ESRP1: variants seen among roughly 807,000 people sequenced by gnomAD.
ESRP1 encodes the protein RNA-binding motif protein 35A.
Under a neutral mutation model 81.7 loss-of-function variants are expected in ESRP1, and 33 were observed. The observed-to-expected ratio is 0.40, with a 90% CI of 0.31 to 0.54. The LOEUF (loss-of-function observed/expected upper bound fraction) is 0.54, where lower values mean the gene tolerates loss of function less well. Among genes scored for constraint, ESRP1 ranks in the 20% least tolerant of loss-of-function variants. The pLI is 0.41. For missense variants in ESRP1, 672 were observed against 833.1 expected, an observed-to-expected ratio of 0.81 and a Z score of 2.38; for synonymous variants, 320 against 303.3, an observed-to-expected ratio of 1.06 and a Z score of -0.57.
chr8:94,641,186 C>A lies in ESRP1; in HGVS notation c.-133C>A. The stretch of plus-strand genomic sequence containing the variant: ...GGTTGGTTACCGCCTTTTGCACTAG[C>A]AGTAGCAAGGAAGGGGGGTGGGCGC... On this transcript the variant is annotated 5_prime_UTR_variant, in exon 1 of 16. Transcript: ENST00000433389. 1 of 857,044 alleles carries A rather than the reference C, an allele frequency of 1.2e-6. No homozygotes were observed. The highest frequency in any genetic ancestry group is 1.8e-6 in the Non-Finnish European group (1 of 569,862). The allele number at this position is 857,044 out of a possible 1,614,324, so 53.1% of individuals were successfully genotyped here. A position where few individuals can be genotyped will look rare whatever the true frequency, so the allele number is the denominator to read the frequency against.
intron 14 of ESRP1, among the ~76,000 whole-genome samples, chr8:94,693,530 A>G (rs1809485382): frequency 6.6e-6 from 1 of 152,216 alleles, no homozygotes; most frequent in South Asian, 2.1e-4. Flanking sequence ...CAAGTCACAT[A>G]ATTACCTAAG....
intron 6 of ESRP1, among the ~76,000 whole-genome samples, chr8:94,664,183 G>A (rs1818897589): frequency 6.8e-6 from 1 of 146,030 alleles, no homozygotes; most frequent in Non-Finnish European, 1.5e-5. Context: ...GAGTGCAGTG[G>A]CACAATCTCA....
At chr8:94,682,229 A>C (rs1276519558) in intron 13 of ESRP1, among the ~76,000 whole-genome samples, 1 of 152,148 alleles carries the variant, frequency 6.6e-6, no homozygotes, top group Non-Finnish European at 1.5e-5. Context: ...TTTTTCTCAG[A>C]AAAGAATATT....
chr8:94,672,429 A>C (rs771000689), intron 11 of ESRP1, among the ~76,000 whole-genome samples: 1 of 152,226 alleles, frequency 6.6e-6, no homozygotes, highest in Non-Finnish European at 1.5e-5. Context: ...ATTTTTGGTT[A>C]AAGAAAATTA....
intron 15 of ESRP1, among the ~76,000 whole-genome samples, chr8:94,700,171 A>G (rs1263541407): frequency 6.6e-6 from 1 of 152,252 alleles, no homozygotes; most frequent in African/African-American, 2.4e-5. Flanking sequence ...ACCAAACTGT[A>G]GCATGGCAAA....
Position 94,641,327 on chromosome 8 carries a change from C to T in ESRP1, c.9C>T (p.Ala3=). 1 of 1,613,766 alleles carries T rather than the reference C, an allele frequency of 6.2e-7. No homozygotes were observed. MT[A]SPDYLVVLFG... Reference sequence around the variant, plus strand: ...CCTCCCCACCTATCGTCATGACGGCCTCTCCGGATTACTTGGTGGTGCTTT... The same window carrying T: ...CCTCCCCACCTATCGTCATGACGGCTTCTCCGGATTACTTGGTGGTGCTTT... Residue 3 remains alanine, a synonymous_variant, in exon 1 of 16, where the codon GCC becomes GCT. Transcript: ENST00000433389.
chr8:94,657,774 T>G (rs953321570), intron 4 of ESRP1, among the ~76,000 whole-genome samples: 3 of 152,234 alleles, frequency 2.0e-5, no homozygotes, highest in Admixed American at 6.5e-5. Context: ...GATCTCTGTC[T>G]TCTTCAGTTG....
intron 12 of ESRP1, among the ~76,000 whole-genome samples, chr8:94,675,820 A>C (rs1819560963): frequency 6.6e-6 from 1 of 152,196 alleles, no homozygotes; most frequent in Non-Finnish European, 1.5e-5. Flanking sequence ...CAAGCCTCCA[A>C]ATAAAAAAGA....
In ESRP1 at chr8:94,662,502, T is replaced by A; in HGVS notation, c.591T>A (p.Asn197Lys). 6.2e-7 allele frequency: 1 copy of A among 1,606,156 alleles called. No individual in the cohort carries two copies. Reference protein sequence around the residue: ...IILAMISEPYNHRFSDPERVN... With the variant: ...IILAMISEPYKHRFSDPERVN... ...TGACTTTTATGTTCTCATTTTTAGATCACAGGTTTTCAGATCCAGAGAGAG... is the reference window on the plus strand; with the variant it reads ...TGACTTTTATGTTCTCATTTTTAGAACACAGGTTTTCAGATCCAGAGAGAG... The change falls in exon 6 of 16, where the codon AAT becomes AAA. Residue 197 changes from asparagine to lysine, a missense_variant and splice_region_variant. Coordinates refer to ENST00000433389, the MANE Select transcript of ESRP1 (RefSeq NM_017697.4).
rs559559920 is a variant in ESRP1, at chr8:94,659,175, C to T, written c.491-3097C>T. On this transcript the variant is annotated intron_variant, in intron 4 of 15. Coordinates refer to ENST00000433389, the MANE Select transcript of ESRP1 (RefSeq NM_017697.4). Reference sequence around the variant, plus strand: ...GGATTACAGGCGTGAGCCACCGTGTCTGGCCAGTTTTGTTTTGTTTAAAAA... The same window carrying T: ...GGATTACAGGCGTGAGCCACCGTGTTTGGCCAGTTTTGTTTTGTTTAAAAA... Among the ~76,000 whole-genome samples the T allele has an allele frequency of 3.4e-4, 52 of 152,254 alleles. 1 individual carries two copies. Among genetic ancestry groups the T allele is most frequent in the African/African-American group, 1.1e-3 (45 of 41,522 alleles).
intron 7 of ESRP1, 59 bp downstream of exon 7, chr8:94,664,866 A>G (rs1818935388): frequency 1.9e-6 from 3 of 1,608,664 alleles, no homozygotes; most frequent in Admixed American, 3.4e-5. Context: ...TGGATTTTCT[A>G]TCTTTTTTTT....
intron 15 of ESRP1, among the ~76,000 whole-genome samples, chr8:94,699,798 TC>T (rs1809747111): frequency 6.6e-6 from 1 of 152,134 alleles, no homozygotes; most frequent in South Asian, 2.1e-4. Flanking sequence ...TCACTAATAA[TC>T]TCACCACCCA....
intron 13 of ESRP1, chr8:94,688,595 C>A: frequency 4.8e-6 from 1 of 207,572 alleles, no homozygotes; most frequent in Non-Finnish European, 9.9e-6. Context: ...GAGGGAAAAC[C>A]CTGGGATTCA....
Position 94,696,930 on chromosome 8 carries a change from C to T in ESRP1, c.*4C>T. ...CAAAGAATGGGTTTGTATTTAAGGG[C>T]CCCAGCAGTTAGAACATCCTCAGAA... is the stretch of plus-strand genomic sequence containing the variant. On this transcript the variant is annotated 3_prime_UTR_variant, in exon 15 of 16. Transcript: ENST00000433389. 1 of 1,579,112 alleles carries T rather than the reference C, an allele frequency of 6.3e-7. No homozygotes were observed. Among genetic ancestry groups the T allele is most frequent in the Non-Finnish European group, 8.6e-7 (1 of 1,161,340 alleles).
At chr8:94,680,790 A>G (rs1054082474) in intron 13 of ESRP1, among the ~76,000 whole-genome samples, 5 of 152,184 alleles carry the variant, frequency 3.3e-5, no homozygotes, top group Non-Finnish European at 5.9e-5. Context: ...AAACTTTGTT[A>G]TGTAAATGCT....
intron 4 of ESRP1, among the ~76,000 whole-genome samples, chr8:94,648,903 A>C (rs150379336): frequency 6.0e-4 from 91 of 152,366 alleles, no homozygotes; most frequent in African/African-American, 2.1e-3. Flanking sequence ...CTTTACATCC[A>C]AGTAAATTTA....
Position 94,646,085 on chromosome 8 carries a change from A to T in ESRP1, c.376-83A>T, listed in dbSNP as rs1206532247. ...TTTTTCCATTGTAAAATATGCTTAT[A>T]TTCAATTTTTAGGTTCCTAATTGTG... On this transcript the variant is annotated intron_variant, in intron 3 of 15. Transcript: ENST00000433389. 11 of 694,422 alleles carry T rather than the reference A, an allele frequency of 1.6e-5. No homozygotes were observed. The South Asian group carries it at 2.0e-4, about 13-fold the overall frequency. 43.0% of individuals were successfully genotyped at this position (694,422 alleles called of 1,614,324 possible).
chr8:94,652,069 C>A (rs1452643222), intron 4 of ESRP1, among the ~76,000 whole-genome samples: 1 of 137,494 alleles, frequency 7.3e-6, no homozygotes, highest in Admixed American at 8.1e-5. Flanking sequence ...TTCACTGCAA[C>A]CTTCACCTTC....
chr8:94,669,874 C>CAAAAAA (rs1263306176), intron 10 of ESRP1, among the ~76,000 whole-genome samples: 2 of 89,638 alleles, frequency 2.2e-5, no homozygotes, highest in Non-Finnish European at 2.3e-5. Context: ...CTCCCGCTAC[C>CAAAAAA]AAAAAAAAAA....
Sources: allele counts gnomAD v4.1 joint callset (sites outside exome capture counted in the v4.1 genomes callset), GRCh38; gene constraint gnomAD v4.1.1; transcripts MANE v1.5; gene names NCBI Gene and HGNC (gene_info 2026-07-23, HGNC 2026-07-21).